Variants in STAT3 observed in about 807,000 individuals in gnomAD.
STAT3 encodes the protein DNA-binding protein APRF.
Under a neutral mutation model 114.3 loss-of-function variants are expected in STAT3, and 7 were observed. The ratio of observed to expected loss-of-function variants is 0.06; its 90% CI spans 0.03 to 0.11. The LOEUF (loss-of-function observed/expected upper bound fraction) is 0.11. Ranked by LOEUF, STAT3 falls within the 10% of genes least tolerant of loss-of-function variation. STAT3 has a pLI of 1.00. For synonymous variants in STAT3, 331 were observed against 354.5 expected (o/e 0.93, Z 0.74); for missense variants, 364 against 960.9 (o/e 0.38, Z 8.21).
chr17:42,323,383 G>A (rs1442412809), intron 18 of STAT3, 29 bp from the exon 19 acceptor site: 1 of 1,611,198 alleles, frequency 6.2e-7, no homozygotes, highest in Admixed American at 1.7e-5. Context: ...GGAAAGCCAA[G>A]TCTACTGCCA....
intron 1 of STAT3, among the ~76,000 whole-genome samples, chr17:42,380,572 A>AC (rs796870670): frequency 1.5e-4 from 22 of 147,996 alleles, no homozygotes; most frequent in African/African-American, 5.1e-4. Context: ...TTTAGTAGAG[A>AC]CGGGGGGGGT....
chr17:42,384,057 T>TAAC (rs1567764013), intron 1 of STAT3, among the ~76,000 whole-genome samples: 1 of 152,160 alleles, frequency 6.6e-6, no homozygotes. Flanking sequence ...GGCCTGTGCC[T>TAAC]AACACATAGT....
chr17:42,333,743 GCTGCCGCTCCA>G lies in STAT3; in HGVS notation c.968_978del (p.Val323AlafsTer8). ...CGGTCAGGATGCATGGGCATGCAGG[GCTGCCGCTCCA>G]CCACAAAGGCACTGAGGAAAGAGAA... On this transcript the variant is annotated frameshift_variant, in exon 10 of 24. Transcript: ENST00000264657. LOFTEE classifies it high-confidence loss of function. The surrounding 1 kb of genome is among the most constrained non-coding windows in gnomAD (Gnocchi z 5.2). 6.2e-7 allele frequency: 1 copy of G among 1,613,922 alleles called. No homozygotes were observed. The highest frequency in any genetic ancestry group is 8.5e-7 in the Non-Finnish European group (1 of 1,180,018).
chr17:42,366,785 T>C (rs1053763321), intron 1 of STAT3, among the ~76,000 whole-genome samples: 4 of 151,952 alleles, frequency 2.6e-5, no homozygotes, highest in Admixed American at 2.0e-4. Flanking sequence ...CTAGGCTAAC[T>C]GGCCTGGATG....
chr17:42,348,601 T>G lies in STAT3; in HGVS notation c.-23-62A>C. ...CCAGTAGGGGTAAACAATCTAGAAG[T>G]AGCCATTGCCCAACACAGGTGTCAG... On this transcript the variant is annotated intron_variant, in intron 1 of 23. Coordinates refer to ENST00000264657, the MANE Select transcript of STAT3 (RefSeq NM_139276.3). 3.1e-6 allele frequency: 5 copies of G among 1,594,564 alleles called. No homozygotes were observed. In the South Asian group the frequency reaches 5.6e-5, roughly 18 times the overall value.
In STAT3 at chr17:42,368,274, T is replaced by C. The variant is rs180730943; in HGVS notation, c.-23-19735A>G. 6.6e-5 allele frequency among the ~76,000 whole-genome samples: 10 copies of C among 152,368 alleles called. No homozygotes were observed. The East Asian group carries it at 1.9e-3, about 29-fold the overall frequency. ...TGTTACAGAATTGTTTTTCTTAAAC[T>C]GCAATAATGAGACTTTAGCACTCTC... is the stretch of plus-strand genomic sequence containing the variant. On this transcript the variant is annotated intron_variant, in intron 1 of 23. Transcript: ENST00000264657.
chr17:42,321,372 G>A (rs548438717), intron 21 of STAT3, among the ~76,000 whole-genome samples: 6 of 151,796 alleles, frequency 4.0e-5, no homozygotes, highest in Admixed American at 2.0e-4. Flanking sequence ...TGATCCTCCC[G>A]CCTGGGCCTC....
rs1349989183 is a variant in STAT3 at position 42,333,857 on chromosome 17, T to C, written c.956+34A>G. Reference sequence around the variant, plus strand: ...ACCACGTGAGTCTTTAGGTATTTTTTAGATGAGGGAAAGGGACAAGGATGC... The same window carrying C: ...ACCACGTGAGTCTTTAGGTATTTTTCAGATGAGGGAAAGGGACAAGGATGC... On this transcript the variant is annotated intron_variant, in intron 9 of 23. Coordinates refer to ENST00000264657, the MANE Select transcript of STAT3 (RefSeq NM_139276.3). The surrounding 1 kb of genome is among the most constrained non-coding windows in gnomAD (Gnocchi z 5.2). 2 of 1,614,180 alleles carry C rather than the reference T, an allele frequency of 1.2e-6. No individual in the cohort carries two copies. The highest frequency in any genetic ancestry group is 1.1e-5 in the South Asian group (1 of 91,078).
At position 42,314,473 on chromosome 17, in the gene STAT3, T is replaced by A. The variant is rs1267388675; in HGVS notation, c.*1272A>T. On this transcript the variant is annotated 3_prime_UTR_variant, in exon 24 of 24. Transcript: ENST00000264657. ...ATGCCTCTAGCAGGATCAGGGGGACTGGGGTCGGGAGGGTGGGGCAGGAAG... is the reference window on the plus strand; with the variant it reads ...ATGCCTCTAGCAGGATCAGGGGGACAGGGGTCGGGAGGGTGGGGCAGGAAG... 4.3e-5 allele frequency: 3 copies of A among 70,414 alleles called. No individual in the cohort carries two copies. 4.4% of individuals were successfully genotyped at this position (70,414 alleles called of 1,614,324 possible). A position where few individuals can be genotyped will look rare whatever the true frequency, so the allele number is the denominator to read the frequency against.
chr17:42,362,506 C>T (rs1314788271), intron 1 of STAT3, among the ~76,000 whole-genome samples: 2 of 152,212 alleles, frequency 1.3e-5, no homozygotes, highest in East Asian at 1.9e-4. Flanking sequence ...TAAAACCCTC[C>T]TGATGACTGC....
At chr17:42,378,543 G>A (rs774262253) in intron 1 of STAT3, among the ~76,000 whole-genome samples, 12 of 152,154 alleles carry the variant, frequency 7.9e-5, no homozygotes, top group Non-Finnish European at 1.6e-4. Context: ...CATCGCTCCC[G>A]GCCTCCTAAT....
At position 42,375,582 on chromosome 17, in the gene STAT3, A is replaced by G. The variant is rs186669653; in HGVS notation, c.-24+12697T>C. Among the ~76,000 whole-genome samples, 242 of 152,310 alleles carry G rather than the reference A, an allele frequency of 1.6e-3. 4 individuals carry two copies. Among genetic ancestry groups the G allele is most frequent in the Non-Finnish European group, 1.1e-3 (76 of 68,014 alleles). On this transcript the variant is annotated intron_variant, in intron 1 of 23. Coordinates refer to ENST00000264657, the MANE Select transcript of STAT3 (RefSeq NM_139276.3). ...GGTGGCTCAAAACTGTAATCCCAGT[A>G]CTTTGGGAGGCTGAGGCAGGCAGAT...
chr17:42,314,851 C>CT lies in STAT3; in HGVS notation c.*893dup, dbSNP rs754306251. Reference sequence around the variant, plus strand: ...CCAAGGAGGCTGTTAACTGAAGTTTCTTTTTTTTTTTTTTTTTTTTGAGAC... The same window carrying CT: ...CCAAGGAGGCTGTTAACTGAAGTTTCTTTTTTTTTTTTTTTTTTTTTGAGAC... On this transcript the variant is annotated 3_prime_UTR_variant, in exon 24 of 24. Transcript: ENST00000264657. 10,535 of 140,268 alleles carry CT rather than the reference C, an allele frequency of 0.075. 474 individuals carry two copies. Among genetic ancestry groups the CT allele is most frequent in the African/African-American group, 0.13 (4,129 of 32,730 alleles). The allele number at this position is 140,268 out of a possible 1,614,324, so 8.7% of individuals were successfully genotyped here.
chr17:42,345,985 C>T (rs548068846), intron 3 of STAT3, among the ~76,000 whole-genome samples: 35 of 151,192 alleles, frequency 2.3e-4, no homozygotes, highest in African/African-American at 7.8e-4. Context: ...ACAATTTTCT[C>T]ACCTCAGCCT....
At chr17:42,349,192 G>A (rs1056194703) in intron 1 of STAT3, among the ~76,000 whole-genome samples, 7 of 152,216 alleles carry the variant, frequency 4.6e-5, no homozygotes, top group Admixed American at 4.6e-4. Flanking sequence ...GGGATGACAA[G>A]TGGCTATTAT....
Position 42,324,589 on chromosome 17 carries a change from C to A in STAT3, c.1600+122G>T. On this transcript the variant is annotated intron_variant, in intron 17 of 23. Coordinates refer to ENST00000264657, the MANE Select transcript of STAT3 (RefSeq NM_139276.3). This position sits in a 1 kb window ranked among gnomAD's most constrained non-coding sequence, Gnocchi z 4.5. ...CCCCTGTTTCCTGGCACCAGCACAG[C>A]GCCTTGCTCAGGAAAGAAACATGGC... 7.2e-7 allele frequency: 1 copy of A among 1,394,036 alleles called. No homozygotes were observed. Among genetic ancestry groups the A allele is most frequent in the East Asian group, 2.5e-5 (1 of 39,936 alleles). 86.4% of individuals were successfully genotyped at this position (1,394,036 alleles called of 1,614,324 possible).
chr17:42,350,819 T>C (rs976616099), intron 1 of STAT3, among the ~76,000 whole-genome samples: 2 of 152,138 alleles, frequency 1.3e-5, no homozygotes, highest in African/African-American at 4.8e-5. Flanking sequence ...CATTTTAAAT[T>C]TTCTGGTAGC....
At chr17:42,356,745 G>A (rs2083249303) in intron 1 of STAT3, among the ~76,000 whole-genome samples, 1 of 152,074 alleles carries the variant, frequency 6.6e-6, no homozygotes, top group African/African-American at 2.4e-5. Context: ...TGGGATTACA[G>A]GCGTGAGCCA....
chr17:42,370,695 T>C (rs112220485), intron 1 of STAT3, among the ~76,000 whole-genome samples: 7,433 of 151,774 alleles, frequency 0.049, 268 homozygotes, highest in Non-Finnish European at 0.077. Context: ...TGGCGCGATC[T>C]CAGCTCGCTG....
Sources: allele counts gnomAD v4.1 joint callset (sites outside exome capture counted in the v4.1 genomes callset), GRCh38; gene constraint gnomAD v4.1.1; non-coding constraint Gnocchi (gnomAD v3.1); transcripts MANE v1.5; gene names NCBI Gene and HGNC (gene_info 2026-07-23, HGNC 2026-07-21).